CDK2AP1: variants seen among roughly 807,000 people sequenced by gnomAD.
CDK2AP1 encodes cyclin dependent kinase 2 associated protein 1.
CDK2AP1 carries 10 observed loss-of-function variants against 14.1 expected under a neutral mutation model. That is an observed-to-expected ratio of 0.71 (90% CI 0.44 to 1.20). The LOEUF (loss-of-function observed/expected upper bound fraction) is 1.20, where lower values mean the gene tolerates loss of function less well. CDK2AP1 is among the 50% of genes most tolerant of loss of function. The probability of loss-of-function intolerance (pLI) is 0.00; values close to 1 mark genes in which losing one functional copy is unlikely to be tolerated. For missense variants in CDK2AP1, 102 were observed against 149.9 expected, an observed-to-expected ratio of 0.68 and a Z score of 1.67; for synonymous variants, 59 against 59.8, an observed-to-expected ratio of 0.99 and a Z score of 0.06.
rs760516094 is a variant in CDK2AP1, at chr12:123,271,641, G to T, written c.-23C>A. The T allele has an allele frequency of 4.2e-6, 4 of 963,092 alleles. No homozygotes were observed. The Admixed American group carries it at 2.5e-4, about 61-fold the overall frequency. 59.7% of individuals were successfully genotyped at this position (963,092 alleles called of 1,614,324 possible). ...CATCCCCCCGGGCGGCGGGCGCGCC[G>T]GGCGCGGCGGGGCCAGGCCGCGAGG... On this transcript the variant is annotated 5_prime_UTR_variant, in exon 1 of 4. Coordinates refer to ENST00000261692, the MANE Select transcript of CDK2AP1 (RefSeq NM_004642.4).
intron 1 of CDK2AP1, chr12:123,269,136 G>C (rs1230262862): frequency 2.0e-5 from 3 of 152,424 alleles, no homozygotes; most frequent in African/African-American, 4.8e-5. Flanking sequence ...ACTGGACTTC[G>C]TGCCAGCCCC....
chr12:123,264,197 G>A (rs961292018), intron 3 of CDK2AP1, among the ~76,000 whole-genome samples: 12 of 152,038 alleles, frequency 7.9e-5, no homozygotes, highest in Non-Finnish European at 1.6e-4. Flanking sequence ...GGTGGCTCAC[G>A]CCTGTAATGC....
At position 123,265,155 on chromosome 12, in the gene CDK2AP1, T is replaced by C; in HGVS notation, c.280+41A>G. On this transcript the variant is annotated intron_variant, in intron 3 of 3. Transcript: ENST00000261692. The surrounding 1 kb of genome is among the most constrained non-coding windows in gnomAD (Gnocchi z 5.3). ...AAAAGTCTTTCCAGAGTTAAAGGTC[T>C]AGCACTGTGGTCACCGACAGGGCAG... is the stretch of plus-strand genomic sequence containing the variant. 2 of 1,613,440 alleles carry C rather than the reference T, an allele frequency of 1.2e-6. No homozygotes were observed.
At chr12:123,263,086 C>T (rs1399841745) in intron 3 of CDK2AP1, among the ~76,000 whole-genome samples, 1 of 151,282 alleles carries the variant, frequency 6.6e-6, no homozygotes, top group South Asian at 2.1e-4. Context: ...TGGTGGTGGG[C>T]GCCTATAATC....
chr12:123,270,235 G>A (rs1297402555), intron 1 of CDK2AP1: 2 of 982,246 alleles, frequency 2.0e-6, no homozygotes, highest in East Asian at 1.1e-4. Flanking sequence ...GAGAATGTTT[G>A]AGAAAAAAAC....
chr12:123,269,823 A>T (rs2048337696), intron 1 of CDK2AP1, among the ~76,000 whole-genome samples: 1 of 151,912 alleles, frequency 6.6e-6, no homozygotes, highest in Non-Finnish European at 1.5e-5. Flanking sequence ...CAGCGGCGGC[A>T]GCGGAGAGTC....
intron 1 of CDK2AP1, among the ~76,000 whole-genome samples, chr12:123,269,446 G>C (rs2048332738): frequency 6.6e-6 from 1 of 152,186 alleles, no homozygotes; most frequent in Admixed American, 6.5e-5. Context: ...GAAGGGCTCC[G>C]AGTTCCACTC....
chr12:123,268,323 G>A (rs2048318710), intron 1 of CDK2AP1: 1 of 731,200 alleles, frequency 1.4e-6, no homozygotes, highest in Non-Finnish European at 1.7e-6. Flanking sequence ...TGGGTGAGGG[G>A]AGGGGCAGAG....
At chr12:123,268,675 G>T (rs369428286) in intron 1 of CDK2AP1, among the ~76,000 whole-genome samples, 1 of 152,224 alleles carries the variant, frequency 6.6e-6, no homozygotes. Context: ...CGCCTCCCAC[G>T]TGGGGATGAT....
In CDK2AP1 at chr12:123,265,015, T is replaced by C. The variant is rs1170093551; in HGVS notation, c.280+181A>G. 6.6e-6 allele frequency among the ~76,000 whole-genome samples: 1 copy of C among 152,060 alleles called. No individual in the cohort carries two copies. The highest frequency in any genetic ancestry group is 2.4e-5 in the African/African-American group (1 of 41,416). ...GAAGACATCCAGCCCCCCAGGCCCC[T>C]CGCTACCAGACCCATCGCCTGCCTG... On this transcript the variant is annotated intron_variant, in intron 3 of 3. Coordinates refer to ENST00000261692, the MANE Select transcript of CDK2AP1 (RefSeq NM_004642.4). The surrounding 1 kb of genome is among the most constrained non-coding windows in gnomAD (Gnocchi z 5.3).
intron 3 of CDK2AP1, among the ~76,000 whole-genome samples, chr12:123,264,218 G>T (rs1163542024): frequency 1.3e-5 from 2 of 152,124 alleles, no homozygotes; most frequent in African/African-American, 4.8e-5. Context: ...CAGCACTTTG[G>T]GAGGCCAAGG....
intron 1 of CDK2AP1, chr12:123,270,966 C>T: frequency 2.0e-6 from 2 of 985,120 alleles, no homozygotes; most frequent in South Asian, 4.6e-5. Context: ...CCTCCGAGTA[C>T]GCTGCCCGCC....
Position 123,265,533 on chromosome 12 carries a change from C to T in CDK2AP1, c.154-211G>A, listed in dbSNP as rs2048281653. ...AAAAAAAAAAAAAAGGGTTCAGCAG[C>T]CTGACCCCAAGGCCACAGGCAGGTG... On this transcript the variant is annotated intron_variant, in intron 2 of 3. Coordinates refer to ENST00000261692, the MANE Select transcript of CDK2AP1 (RefSeq NM_004642.4). The surrounding 1 kb of genome is among the most constrained non-coding windows in gnomAD (Gnocchi z 5.3). Among the ~76,000 whole-genome samples the T allele has an allele frequency of 6.6e-6, 1 of 151,656 alleles. No individual in the cohort carries two copies. Among genetic ancestry groups the T allele is most frequent in the Non-Finnish European group, 1.5e-5 (1 of 67,886 alleles).
intron 3 of CDK2AP1, among the ~76,000 whole-genome samples, chr12:123,263,124 C>T (rs764596431): frequency 2.7e-5 from 4 of 150,440 alleles, no homozygotes; most frequent in Non-Finnish European, 4.4e-5. Flanking sequence ...TGAGGCAGAA[C>T]TGCTTGAACC....
chr12:123,268,134 A>G, intron 1 of CDK2AP1: 1 of 948,616 alleles, frequency 1.1e-6, no homozygotes, highest in Non-Finnish European at 1.3e-6. Flanking sequence ...GATATCCTGC[A>G]GAATGACAAA....
rs531110099 is a variant in CDK2AP1, at chr12:123,264,848, G to T, written c.280+348C>A. On this transcript the variant is annotated intron_variant, in intron 3 of 3. Transcript: ENST00000261692. ...CCTGAGCTTGGCTTCCCTAGGACCA[G>T]TGTCGGCCCACAGGAGCAGACCAGG... 3.9e-5 allele frequency among the ~76,000 whole-genome samples: 6 copies of T among 152,288 alleles called. No individual in the cohort carries two copies. The South Asian group carries it at 6.2e-4, about 16-fold the overall frequency.
In CDK2AP1 at chr12:123,265,059, G is replaced by T. The variant is rs2048275897; in HGVS notation, c.280+137C>A. ...CTGCCTGAGGCCTCCACCACAGACG[G>T]CAACTCTGTAACAAGACAGGAGCTC... is the stretch of plus-strand genomic sequence containing the variant. On this transcript the variant is annotated intron_variant, in intron 3 of 3. Transcript: ENST00000261692. The surrounding 1 kb of genome is among the most constrained non-coding windows in gnomAD (Gnocchi z 5.3). 1 of 1,244,200 alleles carries T rather than the reference G, an allele frequency of 8.0e-7. No homozygotes were observed. Among genetic ancestry groups the T allele is most frequent in the African/African-American group, 1.5e-5 (1 of 67,526 alleles). 77.1% of individuals were successfully genotyped at this position (1,244,200 alleles called of 1,614,324 possible). A position where few individuals can be genotyped will look rare whatever the true frequency, so the allele number is the denominator to read the frequency against.
chr12:123,269,684 G>C (rs1287965665), intron 1 of CDK2AP1, among the ~76,000 whole-genome samples: 1 of 152,228 alleles, frequency 6.6e-6, no homozygotes, highest in Admixed American at 6.5e-5. Flanking sequence ...GGGGGGCTCT[G>C]GGGCGGGGGA....
chr12:123,265,788 G>C lies in CDK2AP1; in HGVS notation c.154-466C>G, dbSNP rs1395317605. 1.3e-5 allele frequency among the ~76,000 whole-genome samples: 2 copies of C among 152,128 alleles called. No individual in the cohort carries two copies. The highest frequency in any genetic ancestry group is 4.8e-5 in the African/African-American group (2 of 41,422). On this transcript the variant is annotated intron_variant, in intron 2 of 3. Transcript: ENST00000261692. This position sits in a 1 kb window ranked among gnomAD's most constrained non-coding sequence, Gnocchi z 5.3. ...AAAACAGGGGAAACAGCTCATTTTG[G>C]CACAAAAGAGTCCAAACAGCATTTC...
Sources: gnomAD v4.1 joint callset for allele counts (sites outside exome capture counted in the v4.1 genomes callset) on GRCh38, gnomAD v4.1.1 for gene constraint, Gnocchi (gnomAD v3.1) non-coding constraint, MANE v1.5 for transcripts, NCBI Gene and HGNC (gene_info 2026-07-23, HGNC 2026-07-21) for gene names.